CDC42SE2: variants seen among roughly 807,000 people sequenced by gnomAD.
CDC42SE2 encodes CDC42 small effector protein 2.
CDC42SE2 carries 3 observed loss-of-function variants against 11.5 expected under a neutral mutation model. That is an observed-to-expected ratio of 0.26 (90% CI 0.12 to 0.67). CDC42SE2 has a LOEUF of 0.67. Ranked by LOEUF, CDC42SE2 falls within the 30% of genes least tolerant of loss-of-function variation. The pLI, the probability that CDC42SE2 is intolerant of heterozygous loss-of-function variation, is 0.80. For synonymous variants in CDC42SE2, 33 were observed against 34.8 expected (o/e 0.95, Z 0.18); for missense variants, 82 against 106.8 (o/e 0.77, Z 1.02).
intron 2 of CDC42SE2, among the ~76,000 whole-genome samples, chr5:131,336,078 A>T (rs1351933282): frequency 6.6e-6 from 1 of 152,128 alleles, no homozygotes; most frequent in Non-Finnish European, 1.5e-5. Context: ...GATCTTTACA[A>T]TTTGGCATGT....
At chr5:131,362,935 T>G (rs1749751081) in intron 3 of CDC42SE2, among the ~76,000 whole-genome samples, 1 of 151,998 alleles carries the variant, frequency 6.6e-6, no homozygotes, top group Non-Finnish European at 1.5e-5. Flanking sequence ...TTGCCTGAGC[T>G]CAGGAGTTCG....
At chr5:131,259,341 T>G (rs1756704678), upstream of CDC42SE2, among the ~76,000 whole-genome samples, 1 of 152,232 alleles carries the variant, frequency 6.6e-6, no homozygotes, top group Non-Finnish European at 1.5e-5. Flanking sequence ...ATAATTTGTT[T>G]CTTGGAGTAT....
intron 1 of CDC42SE2, among the ~76,000 whole-genome samples, chr5:131,286,256 T>C (rs562723378): frequency 2.0e-4 from 31 of 151,926 alleles, no homozygotes; most frequent in Non-Finnish European, 3.8e-4. Flanking sequence ...ATTAAAAAAA[T>C]TGTTTTTTGT....
chr5:131,228,160 T>A, the CDC42SE2 span, among the ~76,000 whole-genome samples: 1 of 151,950 alleles, frequency 6.6e-6, no homozygotes, highest in African/African-American at 2.4e-5. Flanking sequence ...TGAGCTGAGA[T>A]TGCACCACTG....
intron 3 of CDC42SE2, among the ~76,000 whole-genome samples, chr5:131,370,200 ATTATT>A (rs1749976800): frequency 1.3e-5 from 2 of 152,336 alleles, no homozygotes; most frequent in East Asian, 3.8e-4. Context: ...GTTCAGAAAA[ATTATT>A]TTATTATTGT....
intron 1 of CDC42SE2, among the ~76,000 whole-genome samples, chr5:131,288,234 A>G (rs866857472): frequency 6.6e-6 from 1 of 152,158 alleles, no homozygotes; most frequent in Non-Finnish European, 1.5e-5. Context: ...AAAAAAAAAA[A>G]AAATTGTGGT....
Position 131,390,973 on chromosome 5 carries a change from G to GTATT in CDC42SE2, c.157-18_157-15dup, listed in dbSNP as rs1750633708. 1.3e-6 allele frequency: 2 copies of GTATT among 1,563,012 alleles called. No homozygotes were observed. Among genetic ancestry groups the GTATT allele is most frequent in the Non-Finnish European group, 1.8e-6 (2 of 1,137,568 alleles). Reference sequence around the variant, plus strand: ...TTCCTGACTTCCATTTTGTTTTGTTGTATTTTTGTCTTGTTTTAGGTTAGC... The same window carrying GTATT: ...TTCCTGACTTCCATTTTGTTTTGTTGTATTTATTTTTGTCTTGTTTTAGGTTAGC... On this transcript the variant is annotated intron_variant, in intron 4 of 4. Transcript: ENST00000505065.
chr5:131,321,749 G>A (rs1758194664), intron 2 of CDC42SE2, among the ~76,000 whole-genome samples: 2 of 151,894 alleles, frequency 1.3e-5, no homozygotes, highest in Non-Finnish European at 2.9e-5. Context: ...GCGTCGTACT[G>A]GGTAAAAGGA....
intron 2 of CDC42SE2, among the ~76,000 whole-genome samples, chr5:131,334,460 A>G (rs1325324694): frequency 6.6e-6 from 1 of 152,188 alleles, no homozygotes. Flanking sequence ...CTTTGGTATC[A>G]GGATGATGCT....
Position 131,276,101 on chromosome 5 carries a change from ATTT to A in CDC42SE2, c.-455+11947_-455+11949del, listed in dbSNP as rs903852701. On this transcript the variant is annotated intron_variant, in intron 1 of 4. Transcript: ENST00000505065. Reference sequence around the variant, plus strand: ...TGGTATTTCATTATGTCAAGACAAGATTTTTTTTTTTTTTCCTGAGCTGTAGAT... The same window carrying A: ...TGGTATTTCATTATGTCAAGACAAGATTTTTTTTTTTCCTGAGCTGTAGAT... Among the ~76,000 whole-genome samples, 7 of 143,684 alleles carry A rather than the reference ATTT, an allele frequency of 4.9e-5. No individual in the cohort carries two copies. The East Asian group carries it at 1.0e-3, about 21-fold the overall frequency. The allele number at this position is 143,684 out of a possible 152,430, so 94.3% of individuals were successfully genotyped here.
rs186446910 is a variant in CDC42SE2 at position 131,295,255 on chromosome 5, C to T, written c.-454-20721C>T. On this transcript the variant is annotated intron_variant, in intron 1 of 4. Coordinates refer to ENST00000505065, the MANE Select transcript of CDC42SE2 (RefSeq NM_001375635.1). ...CTGAGTTGATGCCATTGCACTCCAGCCTGGGTGACAGATTGAGACTTTGAA... is the reference window on the plus strand; with the variant it reads ...CTGAGTTGATGCCATTGCACTCCAGTCTGGGTGACAGATTGAGACTTTGAA... Among the ~76,000 whole-genome samples the T allele has an allele frequency of 1.6e-4, 24 of 151,306 alleles. 1 individual carries two copies. In the East Asian group the frequency reaches 4.1e-3, roughly 26 times the overall value.
chr5:131,311,554 A>G (rs903147906), intron 1 of CDC42SE2, among the ~76,000 whole-genome samples: 9 of 151,914 alleles, frequency 5.9e-5, no homozygotes, highest in Non-Finnish European at 1.2e-4. Context: ...ACTTGGTTCC[A>G]TTCTCCCCAT....
At chr5:131,370,966 C>T (rs189702997) in intron 3 of CDC42SE2, among the ~76,000 whole-genome samples, 2 of 152,240 alleles carry the variant, frequency 1.3e-5, no homozygotes, top group African/African-American at 4.8e-5. Flanking sequence ...TGGTAAGGAA[C>T]TCAAAATTGC....
At chr5:131,329,514 C>G (rs1462767866) in intron 2 of CDC42SE2, among the ~76,000 whole-genome samples, 1 of 152,110 alleles carries the variant, frequency 6.6e-6, no homozygotes, top group Non-Finnish European at 1.5e-5. Context: ...CCTCGAAGCA[C>G]ATAAAAATCT....
At chr5:131,222,165 T>C in the CDC42SE2 span, among the ~76,000 whole-genome samples, 1 of 152,248 alleles carries the variant, frequency 6.6e-6, no homozygotes. Context: ...AATATATCTG[T>C]GATGACAAGA....
chr5:131,260,802 C>G (rs1376782142), upstream of CDC42SE2, among the ~76,000 whole-genome samples: 1 of 151,974 alleles, frequency 6.6e-6, no homozygotes, highest in Non-Finnish European at 1.5e-5. Context: ...GGCGTGGTGG[C>G]AGGTGCCTGT....
rs144025059 is a variant in CDC42SE2, at chr5:131,390,461, G to C, written c.157-532G>C. ...GCACTTTGGGAGGCCGAAGCAGTCG[G>C]ATCACTTGAGGTCAGGAGTTCAAGA... On this transcript the variant is annotated intron_variant, in intron 4 of 4. Coordinates refer to ENST00000505065, the MANE Select transcript of CDC42SE2 (RefSeq NM_001375635.1). 9.3e-3 allele frequency among the ~76,000 whole-genome samples: 1,415 copies of C among 152,238 alleles called. 50 individuals carry two copies. Among genetic ancestry groups the C allele is most frequent in the Admixed American group, 0.069 (1,063 of 15,296 alleles).
intron 2 of CDC42SE2, among the ~76,000 whole-genome samples, chr5:131,349,522 T>G (rs1758947894): frequency 6.6e-6 from 1 of 152,182 alleles, no homozygotes; most frequent in Admixed American, 6.5e-5. Flanking sequence ...CAGCATGCTG[T>G]TAGTACTTAA....
At chr5:131,358,058 A>C (rs1386050656) in intron 2 of CDC42SE2, among the ~76,000 whole-genome samples, 1 of 152,206 alleles carries the variant, frequency 6.6e-6, no homozygotes, top group East Asian at 1.9e-4. Context: ...TCTACCTATG[A>C]TTTAAATGCT....
Sources: gnomAD v4.1 joint callset for allele counts (sites outside exome capture counted in the v4.1 genomes callset) on GRCh38, gnomAD v4.1.1 for gene constraint, MANE v1.5 for transcripts, NCBI Gene and HGNC (gene_info 2026-07-23, HGNC 2026-07-21) for gene names.